SEPTIN9: variants seen among roughly 807,000 people sequenced by gnomAD.
The protein encoded by SEPTIN9 is septin 9.
A neutral mutation model predicts 56.6 loss-of-function variants in SEPTIN9; 13 were observed. The observed-to-expected ratio is 0.23, with a 90% confidence interval of 0.15 to 0.37. The LOEUF (loss-of-function observed/expected upper bound fraction) is 0.37, where lower values mean the gene tolerates loss of function less well. Among genes scored for constraint, SEPTIN9 ranks in the 10% least tolerant of loss-of-function variants. The probability of loss-of-function intolerance (pLI) is 1.00; values close to 1 mark genes in which losing one functional copy is unlikely to be tolerated. For missense variants in SEPTIN9, 650 were observed against 823.1 expected (o/e 0.79, Z 2.57); for synonymous variants, 332 against 334.1 (o/e 0.99, Z 0.07).
chr17:77,383,156 C>T (rs1304053242), intron 2 of SEPTIN9, among the ~76,000 whole-genome samples: 2 of 138,438 alleles, frequency 1.4e-5, no homozygotes, highest in South Asian at 2.7e-4. Flanking sequence ...CTCTTTCTTT[C>T]CCTCCCTCTT....
chr17:77,476,597 A>T lies in SEPTIN9; in HGVS notation c.722-5547A>T, dbSNP rs959671176. 6.6e-6 allele frequency among the ~76,000 whole-genome samples: 1 copy of T among 152,318 alleles called. No individual in the cohort carries two copies. Among genetic ancestry groups the T allele is most frequent in the African/African-American group, 2.4e-5 (1 of 41,576 alleles). ...GGGGAGGAGGGAGCTGGTCCCCAGGATGAGCAGATTTGGGGGCAGTCCCCA... is the reference window on the plus strand; with the variant it reads ...GGGGAGGAGGGAGCTGGTCCCCAGGTTGAGCAGATTTGGGGGCAGTCCCCA... On this transcript the variant is annotated intron_variant, in intron 3 of 11. Transcript: ENST00000427177. The surrounding 1 kb of genome is among the most constrained non-coding windows in gnomAD (Gnocchi z 6.0).
chr17:77,482,424 C>T (rs1183704602), intron 4 of SEPTIN9, 89 bp downstream of exon 4: 4 of 1,349,914 alleles, frequency 3.0e-6, no homozygotes, highest in Non-Finnish European at 4.1e-6. Context: ...GCTTGGTCTT[C>T]CCTTCTGTAA....
chr17:77,373,618 G>C, intron 2 of SEPTIN9: 1 of 1,524,904 alleles, frequency 6.6e-7, no homozygotes, highest in African/African-American at 1.4e-5. Context: ...TGGGCCTGGC[G>C]CGGGACGGGG....
chr17:77,322,999 G>A (rs1172690754), intron 2 of SEPTIN9: 1 of 152,448 alleles, frequency 6.6e-6, no homozygotes, highest in African/African-American at 2.4e-5. Flanking sequence ...GTCCAGCTCA[G>A]GCTGCCCTAC....
Position 77,369,273 on chromosome 17 carries a change from AT to A in SEPTIN9, c.77-32784del, listed in dbSNP as rs1253294885. On this transcript the variant is annotated intron_variant, in intron 2 of 11. Coordinates refer to ENST00000427177, the MANE Select transcript of SEPTIN9 (RefSeq NM_001113491.2). This position sits in a 1 kb window ranked among gnomAD's most constrained non-coding sequence, Gnocchi z 4.9. Reference sequence around the variant, plus strand: ...GAAAGAAATTGGCCAAGGCAGGAATATTGACACCACAGGAATAGGCAAGCGC... The same window carrying A: ...GAAAGAAATTGGCCAAGGCAGGAATATGACACCACAGGAATAGGCAAGCGC... Among the ~76,000 whole-genome samples the A allele has an allele frequency of 6.6e-6, 1 of 152,176 alleles. No individual in the cohort carries two copies. The highest frequency in any genetic ancestry group is 1.5e-5 in the Non-Finnish European group (1 of 68,026).
rs1358713243 is a variant in SEPTIN9 at position 77,456,796 on chromosome 17, A to T, written c.722-25348A>T. 1.3e-5 allele frequency among the ~76,000 whole-genome samples: 2 copies of T among 152,220 alleles called. No individual in the cohort carries two copies. Among genetic ancestry groups the T allele is most frequent in the East Asian group, 3.9e-4 (2 of 5,172 alleles). ...GTCCCCATGGCCAGTACCAGGTCTC[A>T]GGGACCAGCGCTGGGTCCCCACAGC... On this transcript the variant is annotated intron_variant, in intron 3 of 11. Transcript: ENST00000427177. This position sits in a 1 kb window ranked among gnomAD's most constrained non-coding sequence, Gnocchi z 6.0.
In SEPTIN9 at chr17:77,323,352, A is replaced by T. The variant is rs1455395938; in HGVS notation, c.76+16155A>T. Among the ~76,000 whole-genome samples, 2 of 152,112 alleles carry T rather than the reference A, an allele frequency of 1.3e-5. No homozygotes were observed. Among genetic ancestry groups the T allele is most frequent in the African/African-American group, 4.8e-5 (2 of 41,412 alleles). Reference sequence around the variant, plus strand: ...ACGGCTTTGTGGCTTTTACAAATTAAGCAGTTTTATCTTGTTCCAAGAGCT... The same window carrying T: ...ACGGCTTTGTGGCTTTTACAAATTATGCAGTTTTATCTTGTTCCAAGAGCT... On this transcript the variant is annotated intron_variant, in intron 2 of 11. Coordinates refer to ENST00000427177, the MANE Select transcript of SEPTIN9 (RefSeq NM_001113491.2). This position sits in a 1 kb window ranked among gnomAD's most constrained non-coding sequence, Gnocchi z 6.8.
rs780472921 is a variant in SEPTIN9, at chr17:77,402,110, C to G, written c.128C>G (p.Pro43Arg). The change falls in exon 3 of 12, where the codon CCA (proline) becomes CGA (arginine). Residue 43 changes from proline (P) to arginine (R), a missense_variant. By Grantham distance (103) the Pro-to-Arg change is moderately radical. Around this residue, in one of 2 missense-constraint regions of SEPTIN9, gnomAD observed 317 missense variants for 329.1 expected, o/e 0.96. Transcript: ENST00000427177. The surrounding 1 kb of genome is among the most constrained non-coding windows in gnomAD (Gnocchi z 6.6). ...GAGGTCGAGACACCCAACTCCACCCCACCCCGGAGGGTCCAGACTCCCCTA... is the reference window on the plus strand; with the variant it reads ...GAGGTCGAGACACCCAACTCCACCCGACCCCGGAGGGTCCAGACTCCCCTA... ...VEEVETPNST[P>R]PRRVQTPLLR... 6.2e-7 allele frequency: 1 copy of G among 1,613,962 alleles called. No individual in the cohort carries two copies. Among genetic ancestry groups the G allele is most frequent in the South Asian group, 1.1e-5 (1 of 91,086 alleles).
intron 3 of SEPTIN9, among the ~76,000 whole-genome samples, chr17:77,474,961 G>A (rs1476591393): frequency 6.6e-6 from 1 of 151,910 alleles, no homozygotes; most frequent in Non-Finnish European, 1.5e-5. Flanking sequence ...GAGGCCAGGA[G>A]TTTGAAACCA....
chr17:77,374,023 T>G (rs959261125), intron 2 of SEPTIN9: 4 of 154,858 alleles, frequency 2.6e-5, no homozygotes, highest in African/African-American at 9.6e-5. Context: ...CACCTCCGAC[T>G]GAGTGGACAG....
In SEPTIN9 at chr17:77,499,441, A is replaced by G. The variant is rs76051887; in HGVS notation, c.*783A>G. 9,683 of 535,896 alleles carry G rather than the reference A, an allele frequency of 0.018. 148 individuals carry two copies. Among genetic ancestry groups the G allele is most frequent in the Middle Eastern group, 0.04 (141 of 3,562 alleles). The allele number at this position is 535,896 out of a possible 1,614,324, so 33.2% of individuals were successfully genotyped here. A position where few individuals can be genotyped will look rare whatever the true frequency, so the allele number is the denominator to read the frequency against. ...GATGCGCTGGGATCTGATTGAGGAT[A>G]AAAAGGAAGGAGAGATGACCCCTAC... On this transcript the variant is annotated 3_prime_UTR_variant, in exon 12 of 12. Coordinates refer to ENST00000427177, the MANE Select transcript of SEPTIN9 (RefSeq NM_001113491.2).
rs1303472457 is a variant in SEPTIN9, at chr17:77,402,627, T to G, written c.645T>G (p.Pro215=). 3.1e-6 allele frequency: 5 copies of G among 1,613,026 alleles called. No homozygotes were observed. Among genetic ancestry groups the G allele is most frequent in the Non-Finnish European group, 4.2e-6 (5 of 1,179,742 alleles). The part of the protein sequence containing the change: ...AQTLENSEPA[P]VSQLQSRLEP... ...CCTTGGAGAATTCAGAGCCTGCCCC[T>G]GTGTCTCAGCTGCAGAGCAGGCTGG... Residue 215 remains proline, a synonymous_variant, in exon 3 of 12, where the codon CCT becomes CCG. Transcript: ENST00000427177. This position sits in a 1 kb window ranked among gnomAD's most constrained non-coding sequence, Gnocchi z 6.6.
intron 3 of SEPTIN9, among the ~76,000 whole-genome samples, chr17:77,470,032 C>T (rs530052608): frequency 1.3e-5 from 2 of 150,374 alleles, no homozygotes; most frequent in South Asian, 4.2e-4. Context: ...TCCACCTATC[C>T]ACTCATTCAC....
At chr17:77,297,025 G>A (rs1446965873) in intron 1 of SEPTIN9, among the ~76,000 whole-genome samples, 1 of 152,138 alleles carries the variant, frequency 6.6e-6, no homozygotes, top group Non-Finnish European at 1.5e-5. Context: ...ATGGTGGATG[G>A]GTGGGTAGAT....
At chr17:77,489,348 CT>C (rs2143367637) in intron 7 of SEPTIN9, among the ~76,000 whole-genome samples, 1 of 152,306 alleles carries the variant, frequency 6.6e-6, no homozygotes, top group Admixed American at 6.5e-5. Flanking sequence ...GGTGAGAGCC[CT>C]TTCCTCCCGC....
intron 1 of SEPTIN9, among the ~76,000 whole-genome samples, chr17:77,301,941 G>A (rs1274838986): frequency 6.6e-6 from 1 of 152,138 alleles, no homozygotes; most frequent in Admixed American, 6.5e-5. Context: ...CTGCCCAGGG[G>A]TTCAGAAGTC....
At position 77,319,493 on chromosome 17, in the gene SEPTIN9, C is replaced by T; in HGVS notation, c.76+12296C>T. On this transcript the variant is annotated intron_variant, in intron 2 of 11. Coordinates refer to ENST00000427177, the MANE Select transcript of SEPTIN9 (RefSeq NM_001113491.2). This position sits in a 1 kb window ranked among gnomAD's most constrained non-coding sequence, Gnocchi z 5.3. ...GAAGTCCCCGTCCCGTTCGCCCTCT[C>T]TGCCTGGGCGGGGACGGCAACTGCC... 9.9e-7 allele frequency: 1 copy of T among 1,012,186 alleles called. No individual in the cohort carries two copies. The highest frequency in any genetic ancestry group is 1.2e-6 in the Non-Finnish European group (1 of 838,784). 62.7% of individuals were successfully genotyped at this position (1,012,186 alleles called of 1,614,324 possible).
chr17:77,471,765 G>A (rs1377542925), intron 3 of SEPTIN9, among the ~76,000 whole-genome samples: 1 of 152,240 alleles, frequency 6.6e-6, no homozygotes. Context: ...ATCTCTGGTT[G>A]ACAGGCCACT....
chr17:77,431,249 A>G (rs1239967113), intron 3 of SEPTIN9, among the ~76,000 whole-genome samples: 1 of 152,056 alleles, frequency 6.6e-6, no homozygotes, highest in African/African-American at 2.4e-5. Flanking sequence ...TTGAGGCTGC[A>G]GTGAGCTATG....
Sources: gnomAD v4.1 joint callset for allele counts (sites outside exome capture counted in the v4.1 genomes callset) on GRCh38, gnomAD v4.1.1 for gene constraint, gnomAD v4.1.1 regional missense constraint, Gnocchi (gnomAD v3.1) non-coding constraint, MANE v1.5 for transcripts, NCBI Gene and HGNC (gene_info 2026-07-23, HGNC 2026-07-21) for gene names.